LAMA1: variants seen among roughly 807,000 people sequenced by gnomAD.
LAMA1 encodes laminin subunit alpha-1.
LAMA1 carries 219 observed loss-of-function variants against 348.7 expected under a neutral mutation model. The observed-to-expected ratio is 0.63, with a 90% CI of 0.56 to 0.70. The LOEUF is 0.70. LAMA1 is among the 30% of genes least tolerant of loss of function. LAMA1 has a pLI of 0.00. For missense variants in LAMA1, 3,744 were observed against 3,888.0 expected, an observed-to-expected ratio of 0.96 and a Z score of 0.99; for synonymous variants, 1,487 against 1,491.0, an observed-to-expected ratio of 1.00 and a Z score of 0.06.
chr18:7,084,293 T>C (rs1361707084), intron 1 of LAMA1, among the ~76,000 whole-genome samples: 2 of 151,900 alleles, frequency 1.3e-5, no homozygotes, highest in Non-Finnish European at 2.9e-5. Flanking sequence ...CACATGACCA[T>C]TGAGCAGGAG....
At chr18:7,081,767 A>G (rs2058194346) in intron 1 of LAMA1, among the ~76,000 whole-genome samples, 1 of 152,224 alleles carries the variant, frequency 6.6e-6, no homozygotes, top group Non-Finnish European at 1.5e-5. Flanking sequence ...CACTGAGCTG[A>G]GAGCATACTG....
At position 7,017,334 on chromosome 18, in the gene LAMA1, T is replaced by G; in HGVS notation, c.2752A>C (p.Thr918Pro). Residue 918 changes from threonine (T) to proline (P), a missense_variant, in exon 20 of 63, where the codon ACC becomes CCC. Physicochemically the swap from Thr to Pro is conservative, Grantham distance 38. Around this residue, in one of 3 missense-constraint regions of LAMA1, gnomAD observed 1,529 missense variants for 1,689.4 expected, o/e 0.91. Transcript: ENST00000389658. The part of the protein sequence containing the change: ...GSHSAVCHLE[T>P]GLCDCKPNVT... The stretch of plus-strand genomic sequence containing the variant: ...TTTGGTTTGCAGTCACAGAGCCCGG[T>G]CTCAAGATGGCACACGGCAGAATGG... 1.9e-6 allele frequency: 3 copies of G among 1,614,018 alleles called. No individual in the cohort carries two copies. The highest frequency in any genetic ancestry group is 2.5e-6 in the Non-Finnish European group (3 of 1,180,008).
chr18:6,967,319 G>GTTTAATTC (rs2057637724), intron 48 of LAMA1, among the ~76,000 whole-genome samples: 1 of 152,142 alleles, frequency 6.6e-6, no homozygotes, highest in Non-Finnish European at 1.5e-5. Context: ...TTCAACTATG[G>GTTTAATTC]TTTAATTCTT....
intron 16 of LAMA1, among the ~76,000 whole-genome samples, chr18:7,027,297 T>C (rs1474209572): frequency 6.6e-6 from 1 of 152,162 alleles, no homozygotes; most frequent in Non-Finnish European, 1.5e-5. Context: ...AAAATGGCCA[T>C]TGTCTATGCA....
intron 1 of LAMA1, 21 bp from the exon 2 acceptor site, chr18:7,080,478 A>G (rs754409060): frequency 6.2e-7 from 1 of 1,613,084 alleles, no homozygotes; most frequent in Non-Finnish European, 8.5e-7. Context: ...AAATTTACCA[A>G]ATCAGCTGAG....
intron 11 of LAMA1, chr18:7,038,516 GA>G (rs1264130392): frequency 4.5e-6 from 2 of 448,118 alleles, no homozygotes; most frequent in Non-Finnish European, 8.2e-6. Flanking sequence ...GGCGGAGGGA[GA>G]GCCGACCTCC....
At chr18:7,084,136 G>C (rs1476216780) in intron 1 of LAMA1, among the ~76,000 whole-genome samples, 2 of 146,100 alleles carry the variant, frequency 1.4e-5, no homozygotes, top group Non-Finnish European at 3.0e-5. Context: ...ATGTGTACTA[G>C]AGCAAGCATG....
At chr18:6,961,861 C>T in intron 52 of LAMA1, 84 bp downstream of exon 52, 2 of 1,566,358 alleles carry the variant, frequency 1.3e-6, no homozygotes, top group South Asian at 1.1e-5. Flanking sequence ...TTTTCTATCC[C>T]CACTGGTTTG....
At position 6,997,732 on chromosome 18, in the gene LAMA1, C is replaced by T. The variant is rs762021978; in HGVS notation, c.4806+10G>A. 5 of 1,613,022 alleles carry T rather than the reference C, an allele frequency of 3.1e-6. No homozygotes were observed. The African/African-American group carries it at 5.3e-5, about 17-fold the overall frequency. On this transcript the variant is annotated intron_variant, in intron 33 of 62. Coordinates refer to ENST00000389658, the MANE Select transcript of LAMA1 (RefSeq NM_005559.4). The stretch of plus-strand genomic sequence containing the variant: ...AAGTGTCTGTTCATCTCTGTATTTC[C>T]AGTACCTACCTGGAGATATTTAGTT...
Position 6,961,667 on chromosome 18 carries a change from G to A in LAMA1, c.7545C>T (p.Ala2515=). Residue 2515 remains alanine, a synonymous_variant, in exon 53 of 63, where the codon GCC becomes GCT. Transcript: ENST00000389658. ...GGATGATGCCACTGCTGTTCGTGGT[G>A]GCAAATGTTACCAGCCATTCTGATT... The part of the protein sequence containing the change: ...SPESEWLVTF[A]TTNSSGIILA... 1 of 1,614,116 alleles carries A rather than the reference G, an allele frequency of 6.2e-7. No homozygotes were observed. Among genetic ancestry groups the A allele is most frequent in the Non-Finnish European group, 8.5e-7 (1 of 1,180,024 alleles).
chr18:7,050,554 TA>T, intron 4 of LAMA1, 139 bp downstream of exon 4: 6 of 1,132,946 alleles, frequency 5.3e-6, no homozygotes, highest in Non-Finnish European at 7.7e-6. Context: ...TTACTTATAA[TA>T]GACATGACTC....
chr18:7,061,065 G>A (rs1179047423), intron 3 of LAMA1, among the ~76,000 whole-genome samples: 2 of 152,186 alleles, frequency 1.3e-5, no homozygotes, highest in Non-Finnish European at 1.5e-5. Flanking sequence ...GGCTGAAGTG[G>A]GAGGATCACT....
Position 6,975,011 on chromosome 18 carries a change from C to T in LAMA1, c.6515G>A (p.Arg2172Gln), listed in dbSNP as rs746251281. The T allele has an allele frequency of 1.9e-5, 31 of 1,613,946 alleles. No homozygotes were observed. Among genetic ancestry groups the T allele is most frequent in the Non-Finnish European group, 2.3e-5 (27 of 1,179,968 alleles). Residue 2172 changes from arginine (R) to glutamine (Q), a missense_variant, in exon 46 of 63, where the codon CGG becomes CAG. Arg to Gln is a conservative substitution (Grantham distance 43). This residue lies in a region of LAMA1 where 1,983 missense variants were observed against 1,934.3 expected (regional missense o/e 1.03). Transcript: ENST00000389658. Reference protein sequence around the residue: ...TASDFLAVEMRRGRVAFLWDL... With the variant: ...TASDFLAVEMQRGRVAFLWDL... ...CCACAGGAAGGCCACTCTCCCTCGC[C>T]GCATCTCCACTGCAAGGAAATCAGA... is the stretch of plus-strand genomic sequence containing the variant.
At chr18:6,943,821 C>T (rs2143960468) in intron 61 of LAMA1, among the ~76,000 whole-genome samples, 1 of 107,546 alleles carries the variant, frequency 9.3e-6, no homozygotes, top group Admixed American at 1.3e-4. Flanking sequence ...CCAGCCTGGG[C>T]AACAAGAGCG....
At chr18:7,010,000 A>T (rs7236040) in intron 26 of LAMA1, among the ~76,000 whole-genome samples, 200 bp downstream of exon 26, 72,353 of 151,668 alleles carry the variant, frequency 0.48, 18,595 homozygotes, top group African/African-American at 0.67. Context: ...AGAGACGGGG[A>T]TTCATCATGT....
At chr18:6,997,712 T>G in intron 33 of LAMA1, 30 bp downstream of exon 33, 1 of 1,607,928 alleles carries the variant, frequency 6.2e-7, no homozygotes, top group Non-Finnish European at 8.5e-7. Flanking sequence ...GATACAAGTG[T>G]CTGTTCATCT....
rs751668326 is a variant in LAMA1 at position 6,975,065 on chromosome 18, G to A, written c.6490-29C>T. 7 of 1,610,114 alleles carry A rather than the reference G, an allele frequency of 4.3e-6. No homozygotes were observed. In the Admixed American group the frequency reaches 1.2e-4, roughly 27 times the overall value. The stretch of plus-strand genomic sequence containing the variant: ...GGGGGCGAGGAATGAACGGGGATCA[G>A]TTTACACACTGGACTGTTTGCTGAC... On this transcript the variant is annotated intron_variant, in intron 45 of 62. Coordinates refer to ENST00000389658, the MANE Select transcript of LAMA1 (RefSeq NM_005559.4).
chr18:6,965,861 C>T (rs1452992625), intron 49 of LAMA1: 3 of 430,752 alleles, frequency 7.0e-6, no homozygotes, highest in East Asian at 4.6e-5. Context: ...TATTTGAGCT[C>T]GAAATTTAAT....
intron 1 of LAMA1, among the ~76,000 whole-genome samples, chr18:7,080,797 T>A (rs1376478398): frequency 1.3e-5 from 2 of 152,112 alleles, no homozygotes; most frequent in Non-Finnish European, 2.9e-5. Flanking sequence ...TGAGTACACC[T>A]AAGTAAGATT....
Sources: allele counts gnomAD v4.1 joint callset (sites outside exome capture counted in the v4.1 genomes callset), GRCh38; gene constraint gnomAD v4.1.1; regional missense constraint gnomAD v4.1.1; transcripts MANE v1.5; gene names NCBI Gene and HGNC (gene_info 2026-07-23, HGNC 2026-07-21).